The following CTDSP2 variants were observed in gnomAD, a reference collection of about 807,000 sequenced individuals.
CTDSP2 encodes the protein carboxy-terminal domain RNA polymerase II polypeptide A small phosphatase 2.
CTDSP2 carries 9 observed loss-of-function variants against 31.6 expected under a neutral mutation model. The ratio of observed to expected loss-of-function variants is 0.28; its 90% CI spans 0.17 to 0.50. The LOEUF is 0.50. Ranked by LOEUF, CTDSP2 falls within the 20% of genes least tolerant of loss-of-function variation. The pLI, the probability that CTDSP2 is intolerant of heterozygous loss-of-function variation, is 0.98. For synonymous variants in CTDSP2, 134 were observed against 134.5 expected (o/e 1.00, Z 0.03); for missense variants, 267 against 348.5 (o/e 0.77, Z 1.86).
intron 1 of CTDSP2, among the ~76,000 whole-genome samples, chr12:57,832,662 C>A (rs1280446715): frequency 6.6e-6 from 1 of 151,616 alleles, no homozygotes. Flanking sequence ...CGTAGTGGCA[C>A]ACACCTGTAG....
intron 1 of CTDSP2, among the ~76,000 whole-genome samples, chr12:57,836,590 C>T (rs1417341759): frequency 6.6e-6 from 1 of 151,976 alleles, no homozygotes. Context: ...TGCGGTAAGC[C>T]GTGATTGCAC....
chr12:57,845,471 T>TCC (rs1223477200), intron 1 of CTDSP2: 2 of 151,744 alleles, frequency 1.3e-5, no homozygotes, highest in Non-Finnish European at 2.9e-5. Context: ...CCCTCGCGCC[T>TCC]CCACCTGACG....
chr12:57,837,729 A>G (rs1470847721), intron 1 of CTDSP2, among the ~76,000 whole-genome samples: 2 of 152,182 alleles, frequency 1.3e-5, no homozygotes, highest in African/African-American at 4.8e-5. Flanking sequence ...AAAAAATTAA[A>G]AAGCAGTTTT....
chr12:57,840,967 C>T (rs1956279320), intron 1 of CTDSP2, among the ~76,000 whole-genome samples: 1 of 152,176 alleles, frequency 6.6e-6, no homozygotes, highest in South Asian at 2.1e-4. Context: ...AAGGGCTGGG[C>T]ATTTTGCCAG....
chr12:57,826,413 G>A lies in CTDSP2; in HGVS notation c.355-11C>T, dbSNP rs1187460366. 6.2e-7 allele frequency: 1 copy of A among 1,613,980 alleles called. No individual in the cohort carries two copies. Among genetic ancestry groups the A allele is most frequent in the Non-Finnish European group, 8.5e-7 (1 of 1,179,868 alleles). On this transcript the variant is annotated splice_polypyrimidine_tract_variant and intron_variant, in intron 4 of 7. Coordinates refer to ENST00000398073, the MANE Select transcript of CTDSP2 (RefSeq NM_005730.4). Reference sequence around the variant, plus strand: ...AGCATTGTTGATTGGCTGGAAGGCAGAAAAGTTAATGCTGTCAGCATGGTG... The same window carrying A: ...AGCATTGTTGATTGGCTGGAAGGCAAAAAAGTTAATGCTGTCAGCATGGTG...
In CTDSP2 at chr12:57,823,458, G is replaced by C. The variant is rs1238723054; in HGVS notation, c.*144C>G. 1.1e-6 allele frequency: 1 copy of C among 944,884 alleles called. No homozygotes were observed. Among genetic ancestry groups the C allele is most frequent in the South Asian group, 1.6e-5 (1 of 62,410 alleles). 58.5% of individuals were successfully genotyped at this position (944,884 alleles called of 1,614,324 possible). Reference sequence around the variant, plus strand: ...CATTCGCCCACTCGGCATCTAAGCTGTCCTAAAGCTCTTTCCAGTTACTTC... The same window carrying C: ...CATTCGCCCACTCGGCATCTAAGCTCTCCTAAAGCTCTTTCCAGTTACTTC... On this transcript the variant is annotated 3_prime_UTR_variant, in exon 8 of 8. Coordinates refer to ENST00000398073, the MANE Select transcript of CTDSP2 (RefSeq NM_005730.4).
At chr12:57,832,456 G>C (rs1409536171) in intron 1 of CTDSP2, among the ~76,000 whole-genome samples, 2 of 152,152 alleles carry the variant, frequency 1.3e-5, no homozygotes, top group Non-Finnish European at 2.9e-5. Context: ...AGAAGTTCAA[G>C]ACCAGCCTGG....
chr12:57,832,992 A>G (rs1374735803), intron 1 of CTDSP2, among the ~76,000 whole-genome samples: 2 of 152,052 alleles, frequency 1.3e-5, no homozygotes, highest in Admixed American at 6.6e-5. Flanking sequence ...TCCAAGACCA[A>G]AGCTGAACCA....
chr12:57,831,505 TG>T (rs1202478096), intron 1 of CTDSP2, among the ~76,000 whole-genome samples: 1 of 152,216 alleles, frequency 6.6e-6, no homozygotes, highest in African/African-American at 2.4e-5. Flanking sequence ...TGAAATTTTC[TG>T]ATGACTGTTG....
chr12:57,846,597 G>A lies in CTDSP2; in HGVS notation c.-162C>T, dbSNP rs1487721905. On this transcript the variant is annotated 5_prime_UTR_variant, in exon 1 of 8. Coordinates refer to ENST00000398073, the MANE Select transcript of CTDSP2 (RefSeq NM_005730.4). Reference sequence around the variant, plus strand: ...CTCGTTTCCTCCCCGGACCGGGAAGGGAGGCGGCCTGTACAAAGGGCGGGC... The same window carrying A: ...CTCGTTTCCTCCCCGGACCGGGAAGAGAGGCGGCCTGTACAAAGGGCGGGC... The A allele has an allele frequency of 1.5e-5, 9 of 597,626 alleles. No homozygotes were observed. The highest frequency in any genetic ancestry group is 2.0e-5 in the African/African-American group (1 of 50,142). 37.0% of individuals were successfully genotyped at this position (597,626 alleles called of 1,614,324 possible). A position where few individuals can be genotyped will look rare whatever the true frequency, so the allele number is the denominator to read the frequency against.
Position 57,821,167 on chromosome 12 carries a change from T to C in CTDSP2, c.*2435A>G, listed in dbSNP as rs1172049827. On this transcript the variant is annotated 3_prime_UTR_variant, in exon 8 of 8. Coordinates refer to ENST00000398073, the MANE Select transcript of CTDSP2 (RefSeq NM_005730.4). ...ACCCGACAGCAAATAATGACTAGGC[T>C]GGCTCTGGTCCACAAGAACAGACCC... 6.6e-6 allele frequency: 1 copy of C among 152,252 alleles called. No homozygotes were observed. Among genetic ancestry groups the C allele is most frequent in the African/African-American group, 2.4e-5 (1 of 41,458 alleles). 9.4% of individuals were successfully genotyped at this position (152,252 alleles called of 1,614,324 possible). A position where few individuals can be genotyped will look rare whatever the true frequency, so the allele number is the denominator to read the frequency against.
At position 57,822,246 on chromosome 12, in the gene CTDSP2, G is replaced by C. The variant is rs1368912218; in HGVS notation, c.*1356C>G. 4 of 152,446 alleles carry C rather than the reference G, an allele frequency of 2.6e-5. No individual in the cohort carries two copies. Among genetic ancestry groups the C allele is most frequent in the Non-Finnish European group, 1.5e-5 (1 of 68,030 alleles). 9.4% of individuals were successfully genotyped at this position (152,446 alleles called of 1,614,324 possible). A position where few individuals can be genotyped will look rare whatever the true frequency, so the allele number is the denominator to read the frequency against. ...GCACTTCCTCTTATTTTCCACCCTGGGAAAACTTCCATTTCGTGATGACTT... is the reference window on the plus strand; with the variant it reads ...GCACTTCCTCTTATTTTCCACCCTGCGAAAACTTCCATTTCGTGATGACTT... On this transcript the variant is annotated 3_prime_UTR_variant, in exon 8 of 8. Transcript: ENST00000398073.
rs535921709 is a variant in CTDSP2, at chr12:57,844,132, T to C, written c.64+2240A>G. Among the ~76,000 whole-genome samples the C allele has an allele frequency of 2.6e-5, 4 of 151,956 alleles. No individual in the cohort carries two copies. The East Asian group carries it at 7.7e-4, about 29-fold the overall frequency. On this transcript the variant is annotated intron_variant, in intron 1 of 7. Transcript: ENST00000398073. ...ATTGCTTGAATTTAGGAGGCGGAGG[T>C]TGCAGTGAGCTGAGATTGCGCCACT...
At chr12:57,844,947 T>G (rs1282799420) in intron 1 of CTDSP2, among the ~76,000 whole-genome samples, 2 of 141,104 alleles carry the variant, frequency 1.4e-5, no homozygotes, top group Non-Finnish European at 3.1e-5. Context: ...CTGAGGGAAT[T>G]TGGGAGAGGC....
Position 57,846,622 on chromosome 12 carries a change from C to T in CTDSP2, c.-187G>A, listed in dbSNP as rs2140488645. 2.1e-6 allele frequency: 1 copy of T among 487,142 alleles called. No individual in the cohort carries two copies. The highest frequency in any genetic ancestry group is 3.7e-5 in the South Asian group (1 of 27,380). The allele number at this position is 487,142 out of a possible 1,614,324, so 30.2% of individuals were successfully genotyped here. On this transcript the variant is annotated 5_prime_UTR_variant, in exon 1 of 8. Coordinates refer to ENST00000398073, the MANE Select transcript of CTDSP2 (RefSeq NM_005730.4). Reference sequence around the variant, plus strand: ...GGAGGCGGCCTGTACAAAGGGCGGGCGGCCCGGGCAGCGGCTCCCCCGGGT... The same window carrying T: ...GGAGGCGGCCTGTACAAAGGGCGGGTGGCCCGGGCAGCGGCTCCCCCGGGT...
intron 1 of CTDSP2, among the ~76,000 whole-genome samples, chr12:57,841,850 T>C (rs975054419): frequency 1.3e-5 from 2 of 152,220 alleles, no homozygotes; most frequent in African/African-American, 4.8e-5. Context: ...ACCTACTAAG[T>C]ACCAAGTATA....
chr12:57,841,034 C>T (rs75699640), intron 1 of CTDSP2, among the ~76,000 whole-genome samples: 2,862 of 152,270 alleles, frequency 0.019, 54 homozygotes, highest in Non-Finnish European at 0.028. Context: ...AGTTTTAAGT[C>T]GTCAACTTAT....
At chr12:57,845,544 T>C (rs568274632) in intron 1 of CTDSP2, 7 of 152,118 alleles carry the variant, frequency 4.6e-5, no homozygotes, top group Admixed American at 2.0e-4. Flanking sequence ...CGCTGCGCGA[T>C]TCAGAACCAC....
At chr12:57,826,718 G>A (rs965811278) in intron 4 of CTDSP2, among the ~76,000 whole-genome samples, 5 of 152,194 alleles carry the variant, frequency 3.3e-5, no homozygotes, top group Admixed American at 3.3e-4. Flanking sequence ...CAGAGCCCTC[G>A]TGGCTGGCTT....
Sources: allele counts gnomAD v4.1 joint callset (sites outside exome capture counted in the v4.1 genomes callset), GRCh38; gene constraint gnomAD v4.1.1; transcripts MANE v1.5; gene names NCBI Gene and HGNC (gene_info 2026-07-23, HGNC 2026-07-21).